Variants in ARCN1 observed in about 807,000 individuals in gnomAD.
ARCN1 encodes the protein archain 1 coat protein complex I subunit delta.
ARCN1 carries 5 observed loss-of-function variants against 60.4 expected under a neutral mutation model. The observed-to-expected ratio is 0.08, with a 90% CI of 0.04 to 0.17. ARCN1 has a LOEUF of 0.17. ARCN1 is among the 10% of genes least tolerant of loss of function. The pLI, the probability that ARCN1 is intolerant of heterozygous loss-of-function variation, is 1.00. For synonymous variants in ARCN1, 224 were observed against 220.0 expected, an observed-to-expected ratio of 1.02 and a Z score of -0.16; for missense variants, 464 against 626.5, an observed-to-expected ratio of 0.74 and a Z score of 2.77.
At chr11:118,585,677 C>T (rs1377858531) in intron 5 of ARCN1, among the ~76,000 whole-genome samples, 1 of 151,754 alleles carries the variant, frequency 6.6e-6, no homozygotes, top group East Asian at 1.9e-4. Flanking sequence ...GTAGCTGGGA[C>T]TACAGGCATG....
intron 5 of ARCN1, among the ~76,000 whole-genome samples, chr11:118,589,245 A>G (rs1266153405): frequency 1.3e-5 from 2 of 152,206 alleles, no homozygotes; most frequent in African/African-American, 4.8e-5. Flanking sequence ...GAGAAACACA[A>G]GTGCAAATTA....
intron 9 of ARCN1, among the ~76,000 whole-genome samples, chr11:118,600,159 C>T (rs144540356): frequency 2.0e-5 from 3 of 152,190 alleles, no homozygotes; most frequent in African/African-American, 7.2e-5. Context: ...AAGGAAAAAC[C>T]TCATTGGACC....
At chr11:118,578,167 AT>A (rs1555074025) in intron 1 of ARCN1, among the ~76,000 whole-genome samples, 8 of 24,674 alleles carry the variant, frequency 3.2e-4, no homozygotes, top group Non-Finnish European at 5.0e-4. Flanking sequence ...CTCTCAAAAA[AT>A]AAATAAATAA....
At chr11:118,593,481 T>A in intron 7 of ARCN1, 109 bp from the exon 8 acceptor site, 5 of 532,500 alleles carry the variant, frequency 9.4e-6, no homozygotes, top group Non-Finnish European at 1.3e-5. Flanking sequence ...TCCTCCCACC[T>A]CGATCCTACC....
At chr11:118,593,412 G>A (rs531271426) in intron 7 of ARCN1, among the ~76,000 whole-genome samples, 178 bp from the exon 8 acceptor site, 1 of 108,840 alleles carries the variant, frequency 9.2e-6, no homozygotes, top group Non-Finnish European at 1.8e-5. Flanking sequence ...TTTTTTTTTG[G>A]TATAGGTGGA....
intron 1 of ARCN1, among the ~76,000 whole-genome samples, chr11:118,574,563 A>T (rs1044993329): frequency 5.3e-5 from 8 of 152,120 alleles, no homozygotes; most frequent in Non-Finnish European, 8.8e-5. Context: ...AAAAATATAC[A>T]TTTCAAAGTA....
At position 118,598,435 on chromosome 11, in the gene ARCN1, ACT is replaced by A. The variant is rs528222266; in HGVS notation, c.1446+527_1446+528del. Among the ~76,000 whole-genome samples, 154 of 150,810 alleles carry A rather than the reference ACT, an allele frequency of 1.0e-3. 1 individual carries two copies. The highest frequency in any genetic ancestry group is 3.7e-3 in the African/African-American group (152 of 40,974). ...TAATCATGAGCCAATTCTGTTGCAA[ACT>A]CTGTCCTTTAGGTAGGCAAAGCAAT... is the stretch of plus-strand genomic sequence containing the variant. On this transcript the variant is annotated intron_variant, in intron 9 of 9. Coordinates refer to ENST00000264028, the MANE Select transcript of ARCN1 (RefSeq NM_001655.5).
Position 118,581,494 on chromosome 11 carries a change from G to C in ARCN1, c.252G>C (p.Arg84Ser). 6.2e-7 allele frequency: 1 copy of C among 1,613,440 alleles called. No homozygotes were observed. The highest frequency in any genetic ancestry group is 1.7e-5 in the Admixed American group (1 of 59,902). Reference protein sequence around the residue: ...SNILEDLETLRLFSRVIPEYC... With the variant: ...SNILEDLETLSLFSRVIPEYC... ...TTTTAGAAGATTTGGAGACCCTAAGGCTCTTCTCAAGAGTGGTAAGAGTAC... is the reference window on the plus strand; with the variant it reads ...TTTTAGAAGATTTGGAGACCCTAAGCCTCTTCTCAAGAGTGGTAAGAGTAC... Residue 84 changes from arginine (R) to serine (S), a missense_variant, in exon 2 of 10, where the codon AGG becomes AGC. Physicochemically the swap from Arg to Ser is moderately radical, Grantham distance 110. Coordinates refer to ENST00000264028, the MANE Select transcript of ARCN1 (RefSeq NM_001655.5).
intron 1 of ARCN1, among the ~76,000 whole-genome samples, chr11:118,574,301 C>T (rs905883043): frequency 6.6e-6 from 1 of 152,064 alleles, no homozygotes; most frequent in Non-Finnish European, 1.5e-5. Context: ...TTTTTGGGTC[C>T]TGCTCCTTTA....
Position 118,601,446 on chromosome 11 carries a change from G to T in ARCN1, c.*732G>T. The T allele has an allele frequency of 1.6e-6, 1 of 608,358 alleles. No individual in the cohort carries two copies. The highest frequency in any genetic ancestry group is 2.9e-6 in the Non-Finnish European group (1 of 344,642). The allele number at this position is 608,358 out of a possible 1,614,324, so 37.7% of individuals were successfully genotyped here. A position where few individuals can be genotyped will look rare whatever the true frequency, so the allele number is the denominator to read the frequency against. On this transcript the variant is annotated 3_prime_UTR_variant, in exon 10 of 10. Transcript: ENST00000264028. ...TTGTTTTTAAAAAGTTTTCTCTGTA[G>T]AAAATTTTAATCATTCATACCCTTT...
Position 118,581,348 on chromosome 11 carries a change from T to C in ARCN1, c.106T>C (p.Phe36Leu). 2 of 1,614,208 alleles carry C rather than the reference T, an allele frequency of 1.2e-6. No individual in the cohort carries two copies. Among genetic ancestry groups the C allele is most frequent in the Non-Finnish European group, 1.7e-6 (2 of 1,180,048 alleles). The stretch of plus-strand genomic sequence containing the variant: ...TCGGATTGAGGGCTTATTAGCAGCT[T>C]TTCCAAAGCTCATGAACACTGGAAA... ...RTRIEGLLAA[F>L]PKLMNTGKQH... Residue 36 changes from phenylalanine (F) to leucine (L), a missense_variant, in exon 2 of 10, where the codon TTT (phenylalanine) becomes CTT (leucine). By Grantham distance (22) the Phe-to-Leu change is conservative. Transcript: ENST00000264028.
At chr11:118,593,391 CTTTTTTTTT>C (rs57568260) in intron 7 of ARCN1, among the ~76,000 whole-genome samples, 190 bp from the exon 8 acceptor site, 2 of 121,000 alleles carry the variant, frequency 1.7e-5, no homozygotes, top group African/African-American at 6.4e-5. Context: ...CCACGCCTGG[CTTTTTTTTT>C]TTTTTTTTTT....
Position 118,600,808 on chromosome 11 carries a change from T to C in ARCN1, c.*94T>C. The C allele has an allele frequency of 7.1e-6, 6 of 848,406 alleles. No homozygotes were observed. The highest frequency in any genetic ancestry group is 1.6e-5 in the South Asian group (1 of 62,598). 52.6% of individuals were successfully genotyped at this position (848,406 alleles called of 1,614,324 possible). ...AGTTTTTCCCAGATTTACAAGCCACTGGAGACCCCTTTTTTCTGATACAAT... is the reference window on the plus strand; with the variant it reads ...AGTTTTTCCCAGATTTACAAGCCACCGGAGACCCCTTTTTTCTGATACAAT... On this transcript the variant is annotated 3_prime_UTR_variant, in exon 10 of 10. Transcript: ENST00000264028.
chr11:118,599,210 A>C (rs1283624078), intron 9 of ARCN1, among the ~76,000 whole-genome samples: 1 of 151,282 alleles, frequency 6.6e-6, no homozygotes, highest in East Asian at 1.9e-4. Context: ...CTCCTGCCTC[A>C]TCCTCCTGAG....
chr11:118,600,294 A>G (rs567487651), intron 9 of ARCN1, among the ~76,000 whole-genome samples: 2 of 152,348 alleles, frequency 1.3e-5, no homozygotes, highest in African/African-American at 4.8e-5. Context: ...GAATGTTAAT[A>G]TATCATCCTG....
intron 7 of ARCN1, 120 bp downstream of exon 7, chr11:118,592,976 T>G (rs1938946109): frequency 9.6e-7 from 1 of 1,036,410 alleles, no homozygotes; most frequent in African/African-American, 1.6e-5. Flanking sequence ...ATGACTTTCT[T>G]TTGAAATGGA....
At position 118,572,453 on chromosome 11, in the gene ARCN1, A is replaced by C; in HGVS notation, c.-95A>C. The C allele has an allele frequency of 1.5e-6, 2 of 1,308,636 alleles. No individual in the cohort carries two copies. The highest frequency in any genetic ancestry group is 2.1e-6 in the Non-Finnish European group (2 of 955,776). The allele number at this position is 1,308,636 out of a possible 1,614,324, so 81.1% of individuals were successfully genotyped here. ...CGGCAGCGGTTCCTGTCAAGGGGGC[A>C]GCAGGTCCAGAGCTGCTGGTGCTCC... is the stretch of plus-strand genomic sequence containing the variant. On this transcript the variant is annotated 5_prime_UTR_variant, in exon 1 of 10. Coordinates refer to ENST00000264028, the MANE Select transcript of ARCN1 (RefSeq NM_001655.5).
intron 3 of ARCN1, 66 bp downstream of exon 3, chr11:118,583,424 T>G: frequency 6.8e-7 from 1 of 1,476,532 alleles, no homozygotes; most frequent in Non-Finnish European, 9.0e-7. Flanking sequence ...CTAATCTCAT[T>G]TTCCTATTTT....
intron 5 of ARCN1, among the ~76,000 whole-genome samples, chr11:118,589,422 CTTTATTT>C (rs368720622): frequency 1.1e-4 from 16 of 151,852 alleles, no homozygotes; most frequent in South Asian, 1.0e-3. Context: ...GTGGATATGC[CTTTATTT>C]TTTATTTTTT....
Sources: gnomAD v4.1 joint callset for allele counts (sites outside exome capture counted in the v4.1 genomes callset) on GRCh38, gnomAD v4.1.1 for gene constraint, MANE v1.5 for transcripts, NCBI Gene and HGNC (gene_info 2026-07-23, HGNC 2026-07-21) for gene names.